PDE8B: variants seen among roughly 807,000 people sequenced by gnomAD.
PDE8B encodes high affinity cAMP-specific and IBMX-insensitive 3',5'-cyclic phosphodiesterase 8B.
In PDE8B, 26 loss-of-function variants were observed where a neutral mutation model predicts 101.3. That is an observed-to-expected ratio of 0.26 (90% CI 0.19 to 0.36). PDE8B has a LOEUF of 0.36. Ranked by LOEUF, PDE8B falls within the 10% of genes least tolerant of loss-of-function variation. The pLI, the probability that PDE8B is intolerant of heterozygous loss-of-function variation, is 1.00. For missense variants in PDE8B, 810 were observed against 1,163.1 expected, an observed-to-expected ratio of 0.70 and a Z score of 4.42; for synonymous variants, 424 against 429.3, an observed-to-expected ratio of 0.99 and a Z score of 0.15.
intron 1 of PDE8B, among the ~76,000 whole-genome samples, chr5:77,219,204 A>G (rs1033400689): frequency 1.3e-5 from 2 of 152,294 alleles, no homozygotes; most frequent in African/African-American, 4.8e-5. Context: ...AATTGCTCTT[A>G]GAAGCATTTT....
chr5:77,240,007 C>T (rs1755428471), intron 1 of PDE8B, among the ~76,000 whole-genome samples: 1 of 152,114 alleles, frequency 6.6e-6, no homozygotes, highest in African/African-American at 2.4e-5. Flanking sequence ...GTTTTGCTTC[C>T]TTCATCAGTA....
At chr5:77,381,960 C>T (rs1052566284) in intron 10 of PDE8B, among the ~76,000 whole-genome samples, 1 of 152,180 alleles carries the variant, frequency 6.6e-6, no homozygotes, top group African/African-American at 2.4e-5. Flanking sequence ...GTCCCAGGGA[C>T]TGTGACATGA....
At chr5:77,315,871 CT>C (rs1773674873) in intron 2 of PDE8B, among the ~76,000 whole-genome samples, 1 of 152,076 alleles carries the variant, frequency 6.6e-6, no homozygotes, top group African/African-American at 2.4e-5. Context: ...AGCTGCCTTT[CT>C]TTAACATTTT....
intron 1 of PDE8B, among the ~76,000 whole-genome samples, chr5:77,249,981 A>G (rs903859651): frequency 3.9e-5 from 6 of 152,236 alleles, no homozygotes; most frequent in Admixed American, 6.5e-5. Flanking sequence ...GCTTATGCAC[A>G]CGTCCCTGTT....
the PDE8B span, among the ~76,000 whole-genome samples, chr5:77,099,083 A>C: frequency 8.5e-5 from 13 of 152,158 alleles, 1 homozygote; most frequent in Admixed American, 8.5e-4. Context: ...TGTATACTTT[A>C]TGTTTATTTT....
intron 4 of PDE8B, among the ~76,000 whole-genome samples, chr5:77,330,072 C>T (rs1776833787): frequency 6.6e-6 from 1 of 152,196 alleles, no homozygotes; most frequent in Admixed American, 6.5e-5. Flanking sequence ...TTCATTACAC[C>T]TCTCCATCCT....
chr5:77,403,592 TATAG>T (rs1360560238), intron 11 of PDE8B, among the ~76,000 whole-genome samples: 1 of 152,128 alleles, frequency 6.6e-6, no homozygotes, highest in Non-Finnish European at 1.5e-5. Context: ...TACTATTATT[TATAG>T]ATAATTTTAA....
chr5:77,203,655 C>T, the PDE8B span, among the ~76,000 whole-genome samples: 1 of 152,152 alleles, frequency 6.6e-6, no homozygotes, highest in Non-Finnish European at 1.5e-5. Context: ...TATTTTAAAT[C>T]CCTATATAAC....
the PDE8B span, among the ~76,000 whole-genome samples, chr5:77,094,279 C>T: frequency 1.4e-4 from 22 of 152,276 alleles, no homozygotes; most frequent in African/African-American, 5.3e-4. Context: ...TGCAGTCTTT[C>T]TTACATCATT....
chr5:77,106,081 A>G, the PDE8B span: 1 of 152,180 alleles, frequency 6.6e-6, no homozygotes, highest in African/African-American at 2.4e-5. Flanking sequence ...CCTTTGTTAG[A>G]TATATGTTTG....
intron 1 of PDE8B, among the ~76,000 whole-genome samples, chr5:77,244,070 T>A (rs932971734): frequency 4.0e-5 from 6 of 151,844 alleles, no homozygotes; most frequent in Non-Finnish European, 8.8e-5. Flanking sequence ...CCACCACCAC[T>A]GCAACAAGAA....
chr5:77,185,688 A>G, the PDE8B span, among the ~76,000 whole-genome samples: 1 of 152,074 alleles, frequency 6.6e-6, no homozygotes, highest in East Asian at 1.9e-4. Context: ...TTATGGAGTC[A>G]TCTTCCTCTT....
At chr5:77,307,821 C>T (rs1362192911) in intron 1 of PDE8B, among the ~76,000 whole-genome samples, 1 of 152,190 alleles carries the variant, frequency 6.6e-6, no homozygotes, top group African/African-American at 2.4e-5. Context: ...GTCCCACCCT[C>T]CCCTCTTCTC....
the PDE8B span, among the ~76,000 whole-genome samples, chr5:77,176,096 A>T: frequency 6.6e-6 from 1 of 152,064 alleles, no homozygotes; most frequent in African/African-American, 2.4e-5. Context: ...TTCTTTTCCC[A>T]TATCTTTGCT....
chr5:77,303,517 C>T (rs556299644), intron 1 of PDE8B, among the ~76,000 whole-genome samples: 2 of 151,990 alleles, frequency 1.3e-5, no homozygotes, highest in South Asian at 2.1e-4. Context: ...TGCAGTGAGC[C>T]GAGATCACTC....
intron 5 of PDE8B, among the ~76,000 whole-genome samples, chr5:77,336,387 T>C (rs1201015629): frequency 2.0e-5 from 3 of 152,202 alleles, no homozygotes; most frequent in African/African-American, 7.2e-5. Flanking sequence ...TCACTCCTAG[T>C]CCTCCTCCCC....
chr5:77,107,363 C>T, the PDE8B span, among the ~76,000 whole-genome samples: 1 of 152,212 alleles, frequency 6.6e-6, no homozygotes, highest in East Asian at 1.9e-4. Flanking sequence ...ATACATTCAC[C>T]TTGTATCGTA....
rs1258921116 is a variant in PDE8B, at chr5:77,328,910, T to C, written c.591-88T>C. On this transcript the variant is annotated intron_variant, in intron 3 of 21. Coordinates refer to ENST00000264917, the MANE Select transcript of PDE8B (RefSeq NM_003719.5). Reference sequence around the variant, plus strand: ...TTCTTTAGAGAAAGATTTGATGTTGTATCATTTTCAGTGTGAAGAAGTTCC... The same window carrying C: ...TTCTTTAGAGAAAGATTTGATGTTGCATCATTTTCAGTGTGAAGAAGTTCC... 6 of 970,432 alleles carry C rather than the reference T, an allele frequency of 6.2e-6. No individual in the cohort carries two copies. The African/African-American group carries it at 6.4e-5, about 10-fold the overall frequency. 60.1% of individuals were successfully genotyped at this position (970,432 alleles called of 1,614,324 possible).
At chr5:77,190,505 G>A in the PDE8B span, among the ~76,000 whole-genome samples, 14 of 152,328 alleles carry the variant, frequency 9.2e-5, no homozygotes, top group South Asian at 2.7e-3. Context: ...AGAAAAGGAC[G>A]TCTACAGTCT....
Sources: allele counts gnomAD v4.1 joint callset (sites outside exome capture counted in the v4.1 genomes callset), GRCh38; gene constraint gnomAD v4.1.1; transcripts MANE v1.5; gene names NCBI Gene and HGNC (gene_info 2026-07-23, HGNC 2026-07-21).